Variants in KIFAP3 observed in about 807,000 individuals in gnomAD.
KIFAP3 encodes the protein kinesin associated protein 3, also known as kinesin-associated protein 3.
A neutral mutation model predicts 106.5 loss-of-function variants in KIFAP3; 68 were observed. That is an observed-to-expected ratio of 0.64 (90% CI 0.53 to 0.78). KIFAP3 has a LOEUF of 0.78. Among genes scored for constraint, KIFAP3 ranks in the 30% least tolerant of loss-of-function variants. The pLI is 0.00. For missense variants in KIFAP3, 780 were observed against 941.8 expected (o/e 0.83, Z 2.25); for synonymous variants, 320 against 311.5 (o/e 1.03, Z -0.29).
intron 16 of KIFAP3, among the ~76,000 whole-genome samples, chr1:169,973,705 G>C (rs1395544335): frequency 6.6e-6 from 1 of 151,624 alleles, no homozygotes; most frequent in Admixed American, 6.6e-5. Flanking sequence ...TCGAATTGCT[G>C]GGGGAAATAA....
chr1:169,931,712 ATC>A (rs1663494428), intron 19 of KIFAP3, among the ~76,000 whole-genome samples: 1 of 152,150 alleles, frequency 6.6e-6, no homozygotes, highest in South Asian at 2.1e-4. Flanking sequence ...CATTTATATA[ATC>A]TGTCATAATA....
At chr1:170,083,948 A>G (rs773303496) in intron 1 of KIFAP3, among the ~76,000 whole-genome samples, 11 of 152,248 alleles carry the variant, frequency 7.2e-5, no homozygotes, top group Non-Finnish European at 1.6e-4. Context: ...AAATTTGTCA[A>G]CTGTATTTTG....
intron 18 of KIFAP3, among the ~76,000 whole-genome samples, chr1:169,954,455 G>A (rs1403036862): frequency 2.0e-5 from 3 of 152,222 alleles, no homozygotes; most frequent in African/African-American, 7.2e-5. Flanking sequence ...AGACAGTAAG[G>A]ATGGTTCAGG....
chr1:169,956,113 G>A (rs890168917), intron 18 of KIFAP3, among the ~76,000 whole-genome samples: 3 of 151,956 alleles, frequency 2.0e-5, no homozygotes, highest in Non-Finnish European at 2.9e-5. Flanking sequence ...ATTGAGAATC[G>A]GAGTTTAAGA....
rs115408218 is a variant in KIFAP3 at position 169,998,586 on chromosome 1, A to G, written c.1184-6331T>C. ...CCCCTAGAATTTAAACAACTGATTT[A>G]CAAATAACTATAAATTTAATTCCCC... On this transcript the variant is annotated intron_variant, in intron 10 of 19. Coordinates refer to ENST00000361580, the MANE Select transcript of KIFAP3 (RefSeq NM_014970.4). Among the ~76,000 whole-genome samples the G allele has an allele frequency of 5.5e-3, 837 of 152,262 alleles. 5 individuals are homozygous for G. Among genetic ancestry groups the G allele is most frequent in the Middle Eastern group, 0.014 (4 of 294 alleles).
At chr1:170,058,732 C>T (rs554801138) in intron 1 of KIFAP3, among the ~76,000 whole-genome samples, 8 of 151,978 alleles carry the variant, frequency 5.3e-5, no homozygotes, top group South Asian at 4.2e-4. Flanking sequence ...TGGGCTGAGG[C>T]GGGTGTAGGG....
intron 1 of KIFAP3, among the ~76,000 whole-genome samples, chr1:170,063,781 G>A (rs1315464600): frequency 2.6e-5 from 4 of 152,012 alleles, no homozygotes; most frequent in Admixed American, 6.6e-5. Flanking sequence ...TCAGTATTGC[G>A]GGACCTTTCC....
intron 6 of KIFAP3, 104 bp downstream of exon 6, chr1:170,035,350 A>T: frequency 3.2e-6 from 2 of 627,012 alleles, no homozygotes; most frequent in Non-Finnish European, 5.4e-6. Context: ...AGGCAGACAC[A>T]CAGAAAAACT....
At chr1:169,952,396 A>G (rs1249030716) in intron 19 of KIFAP3, among the ~76,000 whole-genome samples, 2 of 151,748 alleles carry the variant, frequency 1.3e-5, no homozygotes, top group Non-Finnish European at 2.9e-5. Flanking sequence ...CAGGTAGAGT[A>G]CCATTTTAAG....
chr1:169,943,469 A>ATATTTAAAG (rs1664250224), intron 19 of KIFAP3, among the ~76,000 whole-genome samples: 1 of 152,182 alleles, frequency 6.6e-6, no homozygotes, highest in Admixed American at 6.5e-5. Context: ...CATTACACTC[A>ATATTTAAAG]TATTTAAAGG....
At chr1:170,008,717 C>T (rs1668095674) in intron 10 of KIFAP3, among the ~76,000 whole-genome samples, 2 of 152,190 alleles carry the variant, frequency 1.3e-5, no homozygotes, top group South Asian at 4.1e-4. Flanking sequence ...TGTGGCGATT[C>T]CTCAAAGATC....
At chr1:170,025,591 T>C (rs1003864426) in intron 8 of KIFAP3, among the ~76,000 whole-genome samples, 2 of 152,192 alleles carry the variant, frequency 1.3e-5, no homozygotes, top group African/African-American at 4.8e-5. Context: ...TGTTGATGTA[T>C]AAAGGCTGTT....
At chr1:170,023,470 C>T (rs1388608057) in intron 9 of KIFAP3, among the ~76,000 whole-genome samples, 1 of 151,980 alleles carries the variant, frequency 6.6e-6, no homozygotes, top group Non-Finnish European at 1.5e-5. Context: ...TAAAAATTAT[C>T]CTCAATGGAG....
At chr1:169,971,330 C>T (rs936446990) in intron 17 of KIFAP3, among the ~76,000 whole-genome samples, 7 of 151,956 alleles carry the variant, frequency 4.6e-5, no homozygotes, top group Admixed American at 3.9e-4. Context: ...GCACTGTGAT[C>T]TATTAGAAAA....
intron 1 of KIFAP3, among the ~76,000 whole-genome samples, chr1:170,083,530 T>C (rs1163854503): frequency 6.6e-6 from 1 of 152,200 alleles, no homozygotes; most frequent in African/African-American, 2.4e-5. Context: ...TTTTCTCATC[T>C]GTAAAATAGG....
At chr1:169,963,411 A>G in intron 17 of KIFAP3, among the ~76,000 whole-genome samples, 1 of 152,182 alleles carries the variant, frequency 6.6e-6, no homozygotes, top group Non-Finnish European at 1.5e-5. Context: ...GCTGCAATGA[A>G]CATGCATGTG....
chr1:170,072,299 G>A (rs1671744260), intron 1 of KIFAP3, among the ~76,000 whole-genome samples: 1 of 152,122 alleles, frequency 6.6e-6, no homozygotes. Context: ...GAATACAATG[G>A]GAAGTAAGAT....
In KIFAP3 at chr1:169,984,663, C is replaced by A. The variant is rs1385533095; in HGVS notation, c.1312G>T (p.Asp438Tyr). The A allele has an allele frequency of 6.2e-7, 1 of 1,606,380 alleles. No individual in the cohort carries two copies. Among genetic ancestry groups the A allele is most frequent in the East Asian group, 2.2e-5 (1 of 44,682 alleles). The change falls in exon 12 of 20, where the codon GAT becomes TAT. Residue 438 changes from aspartate (D) to tyrosine (Y), a missense_variant. By Grantham distance (160) the Asp-to-Tyr change is radical (BLOSUM62 -3). Around this residue, in one of 3 missense-constraint regions of KIFAP3, gnomAD observed 588 missense variants for 678.9 expected, o/e 0.87. Transcript: ENST00000361580. ...ATGAGTTCCAAGTCAATTCGTTCAT[C>A]TGAACATTCAAACAGCATCTTCATT... ...QLMKMLFECS[D>Y]ERIDLELISF...
upstream of KIFAP3, among the ~76,000 whole-genome samples, chr1:170,074,944 A>G (rs1444575182): frequency 6.6e-6 from 1 of 152,248 alleles, no homozygotes; most frequent in Non-Finnish European, 1.5e-5. Context: ...AGCGAATGCT[A>G]TACAGCAGTC....
Sources: allele counts gnomAD v4.1 joint callset (sites outside exome capture counted in the v4.1 genomes callset), GRCh38; gene constraint gnomAD v4.1.1; regional missense constraint gnomAD v4.1.1; transcripts MANE v1.5; gene names NCBI Gene and HGNC (gene_info 2026-07-23, HGNC 2026-07-21).